Variants in RP9 observed in about 807,000 individuals in gnomAD.
RP9 encodes the protein RP9 pre-mRNA splicing factor, also known as retinitis pigmentosa 9 protein.
Under a neutral mutation model 32.6 loss-of-function variants are expected in RP9, and 23 were observed. The observed-to-expected ratio is 0.71, with a 90% CI of 0.51 to 1.00. RP9 has a LOEUF of 1.00. Among genes scored for constraint, RP9 ranks in the 50% least tolerant of loss-of-function variants. The probability of loss-of-function intolerance (pLI) is 0.00; values close to 1 mark genes in which losing one functional copy is unlikely to be tolerated. For synonymous variants in RP9, 94 were observed against 103.6 expected (o/e 0.91, Z 0.56); for missense variants, 245 against 285.3 (o/e 0.86, Z 1.02).
intron 4 of RP9, among the ~76,000 whole-genome samples, 160 bp from the exon 5 acceptor site, chr7:33,096,714 A>C (rs1439477417): frequency 3.9e-5 from 6 of 152,166 alleles, no homozygotes; most frequent in African/African-American, 1.2e-4. Flanking sequence ...AAAACTCATT[A>C]AGGCTAAAAA....
In RP9 at chr7:33,097,357, G is replaced by A. The variant is rs367979669; in HGVS notation, c.319C>T (p.Arg107Cys). 8 of 1,611,250 alleles carry A rather than the reference G, an allele frequency of 5.0e-6. No homozygotes were observed. The highest frequency in any genetic ancestry group is 1.7e-5 in the Admixed American group (1 of 59,952). The change falls in exon 4 of 6, where the codon CGT (arginine) becomes TGT (cysteine). Residue 107 changes from arginine to cysteine, a missense_variant. Coordinates refer to ENST00000297157, the MANE Select transcript of RP9 (RefSeq NM_203288.2). ...GKEVKVMQCW[R>C]CKRYGHRTGD... ...GTTCGGTGACCATAGCGTTTGCAAC[G>A]CCAACCTAAAAACGAAAAGAGAAAT...
intron 1 of RP9, among the ~76,000 whole-genome samples, chr7:33,102,543 T>C (rs1222481251): frequency 6.6e-6 from 1 of 152,236 alleles, no homozygotes; most frequent in Non-Finnish European, 1.5e-5. Context: ...TGAAAAGCCT[T>C]ACTTAGTCAT....
intron 5 of RP9, among the ~76,000 whole-genome samples, 187 bp downstream of exon 5, chr7:33,096,306 G>C (rs1397777967): frequency 6.6e-6 from 1 of 152,196 alleles, no homozygotes; most frequent in Non-Finnish European, 1.5e-5. Flanking sequence ...TTAACCCAAG[G>C]AGGAGGAGGC....
At chr7:33,100,875 A>G (rs1274382396) in intron 1 of RP9, 1 of 507,660 alleles carries the variant, frequency 2.0e-6, no homozygotes, top group Non-Finnish European at 3.7e-6. Context: ...GAAATTCTGA[A>G]GGCGAGGTGT....
chr7:33,100,360 G>C (rs1183179305), intron 2 of RP9, 171 bp downstream of exon 2: 1 of 688,776 alleles, frequency 1.5e-6, no homozygotes, highest in Non-Finnish European at 2.6e-6. Context: ...TTTCTGCAAA[G>C]GCAGAGGCTT....
At position 33,095,256 on chromosome 7, in the gene RP9, T is replaced by C; in HGVS notation, c.644A>G (p.Asn215Ser). The C allele has an allele frequency of 1.9e-6, 3 of 1,612,818 alleles. No homozygotes were observed. Among genetic ancestry groups the C allele is most frequent in the Non-Finnish European group, 2.5e-6 (3 of 1,178,914 alleles). ...TTGTCACTCTGAGTCAGAACCCTCA[T>C]TTGACTTGGAAGATTTGTGCTTCCG... The part of the protein sequence containing the change: ...KKRKHKSSKS[N>S]EGSDSE Residue 215 changes from asparagine (N) to serine (S), a missense_variant, in exon 6 of 6, where the codon AAT (asparagine) becomes AGT (serine). Around this residue, in one of 2 missense-constraint regions of RP9, gnomAD observed 63 missense variants for 109.8 expected, o/e 0.57. Transcript: ENST00000297157.
At chr7:33,099,065 G>T in intron 3 of RP9, 1 of 579,684 alleles carries the variant, frequency 1.7e-6, no homozygotes, top group South Asian at 2.0e-5. Flanking sequence ...TCTGAGATCA[G>T]GGTCCCAGCA....
At chr7:33,105,945 G>A (rs571460756) in intron 1 of RP9, among the ~76,000 whole-genome samples, 24 of 152,170 alleles carry the variant, frequency 1.6e-4, no homozygotes, top group Admixed American at 3.9e-4. Context: ...AGGAGTATCT[G>A]CTGTGACTCC....
intron 3 of RP9, among the ~76,000 whole-genome samples, chr7:33,098,542 G>C (rs1466696473): frequency 6.6e-6 from 1 of 152,160 alleles, no homozygotes; most frequent in Non-Finnish European, 1.5e-5. Context: ...CACATTTCCA[G>C]ACTCCCTCCA....
chr7:33,108,235 C>G (rs980740837), intron 1 of RP9, among the ~76,000 whole-genome samples: 2 of 152,216 alleles, frequency 1.3e-5, no homozygotes, highest in South Asian at 4.1e-4. Flanking sequence ...GAATGCCACA[C>G]TTAGAAAAGG....
chr7:33,099,212 G>C, intron 3 of RP9, 95 bp downstream of exon 3: 1 of 1,417,550 alleles, frequency 7.1e-7, no homozygotes, highest in East Asian at 2.3e-5. Context: ...CTGTAAGAGG[G>C]CTGTGATGAG....
intron 4 of RP9, among the ~76,000 whole-genome samples, chr7:33,096,823 C>T (rs1464482383): frequency 1.6e-5 from 2 of 123,862 alleles, no homozygotes; most frequent in East Asian, 2.5e-4. Context: ...AGCTATAACA[C>T]TGCCACCTCA....
Position 33,097,900 on chromosome 7 carries a change from G to GT in RP9, c.314-539dup, listed in dbSNP as rs553203984. Among the ~76,000 whole-genome samples the GT allele has an allele frequency of 6.5e-3, 997 of 152,224 alleles. 10 individuals are homozygous for GT. The highest frequency in any genetic ancestry group is 8.8e-3 in the Non-Finnish European group (600 of 68,000). ...CTCCCAAAGTGCTGGGATTACAGGC[G>GT]TGAGCCACCACGCCCGGCCCAAAAG... On this transcript the variant is annotated intron_variant, in intron 3 of 5. Transcript: ENST00000297157.
At chr7:33,106,080 G>A (rs1788493862) in intron 1 of RP9, among the ~76,000 whole-genome samples, 3 of 151,928 alleles carry the variant, frequency 2.0e-5, no homozygotes, top group South Asian at 2.1e-4. Flanking sequence ...CTACTTAAAA[G>A]TTAACAATAG....
At chr7:33,103,306 C>A (rs1462872590) in intron 1 of RP9, among the ~76,000 whole-genome samples, 1 of 152,132 alleles carries the variant, frequency 6.6e-6, no homozygotes, top group Non-Finnish European at 1.5e-5. Flanking sequence ...GATCCCTGGC[C>A]CCCAGGCAGA....
At position 33,102,581 on chromosome 7, in the gene RP9, GGAA is replaced by G. The variant is rs368025009; in HGVS notation, c.153-2023_153-2021del. On this transcript the variant is annotated intron_variant, in intron 1 of 5. Coordinates refer to ENST00000297157, the MANE Select transcript of RP9 (RefSeq NM_203288.2). The stretch of plus-strand genomic sequence containing the variant: ...AGACTGTACTAACTTTCTCTGAGTA[GGAA>G]GAAGACCAGTTATGTCTGAGACACG... 1.4e-4 allele frequency among the ~76,000 whole-genome samples: 22 copies of G among 152,344 alleles called. 1 individual carries two copies. In the East Asian group the frequency reaches 2.9e-3, roughly 20 times the overall value.
chr7:33,100,508 A>T (rs1369602241), intron 2 of RP9, 23 bp downstream of exon 2: 17 of 1,603,730 alleles, frequency 1.1e-5, no homozygotes, highest in Non-Finnish European at 1.2e-5. Context: ...TGGAATAACC[A>T]AGAGTACAAA....
At chr7:33,107,376 A>G (rs1285767648) in intron 1 of RP9, among the ~76,000 whole-genome samples, 1 of 152,226 alleles carries the variant, frequency 6.6e-6, no homozygotes, top group Non-Finnish European at 1.5e-5. Flanking sequence ...CTCATCTGTG[A>G]AAAAGCTCTC....
intron 5 of RP9, 21 bp downstream of exon 5, chr7:33,096,472 T>C: frequency 6.4e-7 from 1 of 1,571,096 alleles, no homozygotes; most frequent in Admixed American, 1.7e-5. Flanking sequence ...GGGGATATTG[T>C]TATCATCAGG....
Sources: allele counts gnomAD v4.1 joint callset (sites outside exome capture counted in the v4.1 genomes callset), GRCh38; gene constraint gnomAD v4.1.1; regional missense constraint gnomAD v4.1.1; transcripts MANE v1.5; gene names NCBI Gene and HGNC (gene_info 2026-07-23, HGNC 2026-07-21).